Variants in SLC10A7 observed in about 807,000 individuals in gnomAD.
The protein encoded by SLC10A7 is sodium/bile acid cotransporter 7.
In SLC10A7, 29 loss-of-function variants were observed where a neutral mutation model predicts 43.2. The observed-to-expected ratio is 0.67, with a 90% CI of 0.50 to 0.92. The LOEUF (loss-of-function observed/expected upper bound fraction) is 0.92, where lower values mean the gene tolerates loss of function less well. Ranked by LOEUF, SLC10A7 falls within the 40% of genes least tolerant of loss-of-function variation. The pLI, the probability that SLC10A7 is intolerant of heterozygous loss-of-function variation, is 0.00. For missense variants in SLC10A7, 295 were observed against 403.2 expected (o/e 0.73, Z 2.30); for synonymous variants, 152 against 144.8 (o/e 1.05, Z -0.35).
At chr4:146,332,519 T>C (rs1256832083) in intron 5 of SLC10A7, among the ~76,000 whole-genome samples, 2 of 152,138 alleles carry the variant, frequency 1.3e-5, no homozygotes, top group African/African-American at 4.8e-5. Flanking sequence ...TAAAAGTGTG[T>C]AGTACCTCCT....
chr4:146,412,457 G>A (rs1728265526), intron 5 of SLC10A7, among the ~76,000 whole-genome samples: 3 of 152,062 alleles, frequency 2.0e-5, no homozygotes, highest in Admixed American at 2.0e-4. Context: ...TGCCTACTAA[G>A]CTTGTTATTG....
chr4:146,272,278 G>A (rs754363270), intron 10 of SLC10A7, among the ~76,000 whole-genome samples: 127 of 152,146 alleles, frequency 8.3e-4, no homozygotes, highest in Non-Finnish European at 1.6e-3. Context: ...CTCAGCTTCG[G>A]TACAGATGAC....
Position 146,486,375 on chromosome 4 carries a change from A to G in SLC10A7, c.396+17474T>C, listed in dbSNP as rs78898205. 1.2e-3 allele frequency among the ~76,000 whole-genome samples: 189 copies of G among 152,346 alleles called. 1 individual carries two copies. The South Asian group carries it at 0.024, about 19-fold the overall frequency. ...TTTACAAAACATGTTCACACACATT[A>G]ATTTAATCATTTAACAAGCTATTTT... On this transcript the variant is annotated intron_variant, in intron 4 of 11. Coordinates refer to ENST00000335472, the MANE Select transcript of SLC10A7 (RefSeq NM_001029998.6).
At chr4:146,477,960 C>T (rs1734166210) in intron 4 of SLC10A7, 1 of 152,106 alleles carries the variant, frequency 6.6e-6, no homozygotes, top group Admixed American at 6.6e-5. Flanking sequence ...CAATCAAGCA[C>T]GAGAGTACCT....
intron 5 of SLC10A7, among the ~76,000 whole-genome samples, chr4:146,366,493 C>A (rs1215265826): frequency 2.6e-5 from 4 of 152,114 alleles, no homozygotes; most frequent in Admixed American, 2.0e-4. Flanking sequence ...GAGTAGAAGA[C>A]CTGTCATGTC....
chr4:146,411,823 T>C (rs181079525), intron 5 of SLC10A7, among the ~76,000 whole-genome samples: 2 of 152,188 alleles, frequency 1.3e-5, no homozygotes, highest in Non-Finnish European at 2.9e-5. Context: ...TATAGAGATG[T>C]AAGTCATGCA....
At chr4:146,322,089 T>C (rs1299391051) in intron 6 of SLC10A7, among the ~76,000 whole-genome samples, 2 of 152,104 alleles carry the variant, frequency 1.3e-5, no homozygotes, top group African/African-American at 2.4e-5. Flanking sequence ...ATGTTGAACA[T>C]TACAACTAAA....
At chr4:146,357,843 G>A (rs1453932802) in intron 5 of SLC10A7, among the ~76,000 whole-genome samples, 1 of 152,120 alleles carries the variant, frequency 6.6e-6, no homozygotes, top group Non-Finnish European at 1.5e-5. Flanking sequence ...GAGAAGAGCT[G>A]CAAGTTCTTC....
chr4:146,293,791 A>T, intron 8 of SLC10A7, 139 bp downstream of exon 8: 1 of 510,912 alleles, frequency 2.0e-6, no homozygotes, highest in Non-Finnish European at 3.3e-6. Context: ...GAATAAAGTC[A>T]CTGAGTAAAT....
intron 5 of SLC10A7, among the ~76,000 whole-genome samples, chr4:146,357,716 G>A (rs917979698): frequency 1.3e-4 from 20 of 152,168 alleles, no homozygotes; most frequent in African/African-American, 4.6e-4. Flanking sequence ...AGTGAGGGGA[G>A]CTTCAGAGAA....
At chr4:146,256,670 A>G (rs28406249) in intron 11 of SLC10A7, 150 bp from the exon 12 acceptor site, 432,999 of 1,027,950 alleles carry the variant, frequency 0.42, 97,214 homozygotes, top group African/African-American at 0.73. Context: ...CTCTGGATAC[A>G]AACAGATTTC....
Position 146,254,699 on chromosome 4 carries a change from T to C in SLC10A7, c.*1792A>G, listed in dbSNP as rs1727806920. The C allele has an allele frequency of 1.3e-5, 2 of 152,152 alleles. No homozygotes were observed. Among genetic ancestry groups the C allele is most frequent in the Admixed American group, 1.3e-4 (2 of 15,272 alleles). The allele number at this position is 152,152 out of a possible 1,614,324, so 9.4% of individuals were successfully genotyped here. On this transcript the variant is annotated 3_prime_UTR_variant, in exon 12 of 12. Transcript: ENST00000335472. ...ATGTTAGGGAGAAAGATTTTTATGA[T>C]AGGGCAGATAGATGACAGACAGACA...
chr4:146,262,600 C>T (rs1291556082), intron 10 of SLC10A7, among the ~76,000 whole-genome samples: 4 of 152,208 alleles, frequency 2.6e-5, no homozygotes, highest in Non-Finnish European at 1.5e-5. Context: ...TCCACTTGCT[C>T]ACTGATTTAT....
chr4:146,286,292 G>A (rs377730914), intron 9 of SLC10A7, among the ~76,000 whole-genome samples: 1,045 of 142,112 alleles, frequency 7.4e-3, no homozygotes, highest in South Asian at 0.027. Context: ...TGGTGAGAAG[G>A]ACTGAGTTTG....
intron 2 of SLC10A7, chr4:146,514,030 C>A (rs904449846): frequency 6.6e-6 from 1 of 152,152 alleles, no homozygotes; most frequent in Non-Finnish European, 1.5e-5. Flanking sequence ...TTGCTTAAAA[C>A]CAGGGCTCTA....
At chr4:146,295,790 G>A (rs72729804) in intron 7 of SLC10A7, among the ~76,000 whole-genome samples, 3,621 of 152,100 alleles carry the variant, frequency 0.024, 59 homozygotes, top group Middle Eastern at 0.092. Context: ...AAAATAAATG[G>A]AAATTACATG....
At chr4:146,316,899 G>A (rs1208999837) in intron 6 of SLC10A7, among the ~76,000 whole-genome samples, 1 of 152,036 alleles carries the variant, frequency 6.6e-6, no homozygotes, top group African/African-American at 2.4e-5. Flanking sequence ...AGTGTCAAAT[G>A]TAACATTTGC....
At chr4:146,303,796 G>C (rs903411450) in intron 7 of SLC10A7, among the ~76,000 whole-genome samples, 2 of 152,114 alleles carry the variant, frequency 1.3e-5, no homozygotes, top group African/African-American at 2.4e-5. Context: ...ACCTGTGTTA[G>C]GTTCTATGAC....
rs1446190056 is a variant in SLC10A7 at position 146,254,474 on chromosome 4, A to G, written c.*2017T>C. ...AAAATATGCCAAGGAATTTGTGTAA[A>G]AAAAAGAAATAGGCATAAACATATC... On this transcript the variant is annotated 3_prime_UTR_variant, in exon 12 of 12. Coordinates refer to ENST00000335472, the MANE Select transcript of SLC10A7 (RefSeq NM_001029998.6). 6.6e-6 allele frequency: 1 copy of G among 152,204 alleles called. No homozygotes were observed. The allele number at this position is 152,204 out of a possible 1,614,324, so 9.4% of individuals were successfully genotyped here.
Sources: allele counts gnomAD v4.1 joint callset (sites outside exome capture counted in the v4.1 genomes callset), GRCh38; gene constraint gnomAD v4.1.1; transcripts MANE v1.5; gene names NCBI Gene and HGNC (gene_info 2026-07-23, HGNC 2026-07-21).